Variants in CD8B observed in about 807,000 individuals in gnomAD.
CD8B encodes CD8 subunit beta.
In CD8B, 6 loss-of-function variants were observed where a neutral mutation model predicts 24.2. The observed-to-expected ratio is 0.25, with a 90% CI of 0.14 to 0.49. CD8B has a LOEUF of 0.49. CD8B is among the 20% of genes least tolerant of loss of function. CD8B has a pLI of 0.98. For synonymous variants in CD8B, 84 were observed against 108.3 expected, an observed-to-expected ratio of 0.78 and a Z score of 1.39; for missense variants, 196 against 271.3, an observed-to-expected ratio of 0.72 and a Z score of 1.95.
At chr2:86,822,493 CATG>C (rs1252018649) in intron 5 of CD8B, 5 of 611,612 alleles carry the variant, frequency 8.2e-6, no homozygotes, top group South Asian at 2.5e-5. Context: ...TAGGCATTAA[CATG>C]ATGATGTTTT....
intron 4 of CD8B, among the ~76,000 whole-genome samples, chr2:86,846,217 C>T (rs1352890844): frequency 1.1e-4 from 17 of 152,320 alleles, no homozygotes; most frequent in African/African-American, 3.6e-4. Flanking sequence ...TCATCAATAT[C>T]GGTGTCGTGG....
Position 86,841,812 on chromosome 2 carries a change from C to A in CD8B, c.*495G>T, listed in dbSNP as rs975291307. The A allele has an allele frequency of 4.2e-4, 414 of 985,658 alleles. 5 individuals carry two copies. The highest frequency in any genetic ancestry group is 5.2e-4 in the Middle Eastern group (1 of 1,936). 61.1% of individuals were successfully genotyped at this position (985,658 alleles called of 1,614,324 possible). A position where few individuals can be genotyped will look rare whatever the true frequency, so the allele number is the denominator to read the frequency against. ...TATGCCTTCTGGGAACTGGACAGCC[C>A]CTCTCAGCAAGCCTCATTCCCAACC... On this transcript the variant is annotated 3_prime_UTR_variant, in exon 6 of 6. Coordinates refer to ENST00000390655, the MANE Select transcript of CD8B (RefSeq NM_004931.5).
intron 5 of CD8B, among the ~76,000 whole-genome samples, chr2:86,824,087 T>C (rs555220807): frequency 6.7e-6 from 1 of 150,228 alleles, no homozygotes; most frequent in South Asian, 2.1e-4. Flanking sequence ...AGCAGGGAGC[T>C]GGAGCAGGGA....
At chr2:86,818,799 A>G (rs1329740946) in intron 5 of CD8B, among the ~76,000 whole-genome samples, 1 of 152,236 alleles carries the variant, frequency 6.6e-6, no homozygotes, top group East Asian at 1.9e-4. Flanking sequence ...AAAAGCTAGA[A>G]ATGATTAAGT....
chr2:86,819,929 G>A (rs546310231), intron 5 of CD8B, among the ~76,000 whole-genome samples: 2 of 152,316 alleles, frequency 1.3e-5, no homozygotes, highest in East Asian at 3.9e-4. Context: ...TTTGGAAGCA[G>A]GTGATTCCAA....
chr2:86,818,730 T>C (rs1252346121), intron 5 of CD8B, among the ~76,000 whole-genome samples: 1 of 152,170 alleles, frequency 6.6e-6, no homozygotes, highest in Middle Eastern at 3.2e-3. Context: ...TTAATAACCC[T>C]ACAATGGTTT....
Position 86,858,202 on chromosome 2 carries a change from T to G in CD8B, c.258A>C (p.Glu86Asp), listed in dbSNP as rs896939012. ...CCCGAAACACAGCTATCTTCTCCTG[T>G]TCCACCTCTTCACCGTGGATAGTCC... is the stretch of plus-strand genomic sequence containing the variant. ...AKGTIHGEEVEQEKIAVFRDA... is the reference protein window; with the variant it reads ...AKGTIHGEEVDQEKIAVFRDA... The change falls in exon 2 of 6, where the codon GAA becomes GAC. Residue 86 changes from glutamate to aspartate, a missense_variant. Physicochemically the swap from Glu to Asp is conservative, Grantham distance 45. Transcript: ENST00000390655. 6.2e-7 allele frequency: 1 copy of G among 1,614,036 alleles called. No homozygotes were observed. Among genetic ancestry groups the G allele is most frequent in the African/African-American group, 1.3e-5 (1 of 75,064 alleles).
Position 86,846,665 on chromosome 2 carries a change from C to G in CD8B, c.583+19G>C. ...ACAGCAAACAGGGACACCCAACAAC[C>G]CAAGAGGAGACAACTCACAGCACAG... On this transcript the variant is annotated intron_variant, in intron 4 of 5. Transcript: ENST00000390655. 1 of 1,468,372 alleles carries G rather than the reference C, an allele frequency of 6.8e-7. No homozygotes were observed. Among genetic ancestry groups the G allele is most frequent in the Non-Finnish European group, 9.3e-7 (1 of 1,074,294 alleles). 91.0% of individuals were successfully genotyped at this position (1,468,372 alleles called of 1,614,324 possible). A position where few individuals can be genotyped will look rare whatever the true frequency, so the allele number is the denominator to read the frequency against.
At chr2:86,837,056 C>T (rs138057678), downstream of CD8B, among the ~76,000 whole-genome samples, 1 of 152,264 alleles carries the variant, frequency 6.6e-6, no homozygotes, top group East Asian at 1.9e-4. Context: ...ACTCAGGAGG[C>T]TGAGGTGCAA....
At chr2:86,831,572 A>T (rs1333850703) in intron 5 of CD8B, among the ~76,000 whole-genome samples, 1 of 152,236 alleles carries the variant, frequency 6.6e-6, no homozygotes, top group Admixed American at 6.5e-5. Context: ...TTCTGATTCT[A>T]AAAGAATAGG....
chr2:86,837,760 C>T (rs1216080434), downstream of CD8B, among the ~76,000 whole-genome samples: 3 of 142,276 alleles, frequency 2.1e-5, no homozygotes, highest in Admixed American at 2.2e-4. Flanking sequence ...GGGGTGGGCT[C>T]CACACCTGCA....
chr2:86,855,283 C>T (rs1400321067), intron 2 of CD8B, among the ~76,000 whole-genome samples: 2 of 152,194 alleles, frequency 1.3e-5, no homozygotes, highest in Non-Finnish European at 2.9e-5. Flanking sequence ...TTGTCTGCTT[C>T]AAGACATTGA....
At chr2:86,817,101 C>T (rs1674280884) in intron 5 of CD8B, among the ~76,000 whole-genome samples, 1 of 152,132 alleles carries the variant, frequency 6.6e-6, no homozygotes, top group Non-Finnish European at 1.5e-5. Flanking sequence ...CAAATGAAAA[C>T]AACCAATATC....
At chr2:86,834,488 A>ACACACACACACACACACACACACAC (rs199775749), downstream of CD8B, among the ~76,000 whole-genome samples, 4 of 142,222 alleles carry the variant, frequency 2.8e-5, no homozygotes, top group African/African-American at 1.0e-4. Flanking sequence ...ACACACACAC[A>ACACACACACACACACACACACACAC]AAAGTCTTAA....
At chr2:86,816,797 G>T (rs1305636757) in intron 5 of CD8B, among the ~76,000 whole-genome samples, 1 of 152,114 alleles carries the variant, frequency 6.6e-6, no homozygotes, top group African/African-American at 2.4e-5. Context: ...ACATGATAAG[G>T]CACAGAATTT....
At chr2:86,860,097 T>C (rs11685935) in intron 1 of CD8B, among the ~76,000 whole-genome samples, 78,577 of 130,694 alleles carry the variant, frequency 0.6, 20,356 homozygotes, top group African/African-American at 0.68. Flanking sequence ...TAGTGAGACC[T>C]TGTCTCTACT....
intron 5 of CD8B, among the ~76,000 whole-genome samples, chr2:86,823,515 A>G (rs540796869): frequency 3.9e-5 from 6 of 152,264 alleles, no homozygotes; most frequent in Admixed American, 1.3e-4. Context: ...CCTAGGCCCA[A>G]GGGATCCTCC....
At chr2:86,860,766 A>G (rs924554578) in intron 1 of CD8B, among the ~76,000 whole-genome samples, 1 of 152,240 alleles carries the variant, frequency 6.6e-6, no homozygotes, top group Non-Finnish European at 1.5e-5. Context: ...GGGAAAACCC[A>G]GAAGCGACTC....
downstream of CD8B, among the ~76,000 whole-genome samples, chr2:86,835,053 G>A (rs1376789470): frequency 2.6e-5 from 4 of 151,926 alleles, no homozygotes; most frequent in South Asian, 2.1e-4. Flanking sequence ...ATAAAAGGCC[G>A]ACAGTATTAC....
Sources: gnomAD v4.1 joint callset for allele counts (sites outside exome capture counted in the v4.1 genomes callset) on GRCh38, gnomAD v4.1.1 for gene constraint, MANE v1.5 for transcripts, NCBI Gene and HGNC (gene_info 2026-07-23, HGNC 2026-07-21) for gene names.